The following TMEM117 variants were observed in gnomAD, a reference collection of about 807,000 sequenced individuals.
The protein encoded by TMEM117 is transmembrane protein 117.
A neutral mutation model predicts 52.4 loss-of-function variants in TMEM117; 27 were observed. The observed-to-expected ratio is 0.51, with a 90% CI of 0.38 to 0.71. TMEM117 has a LOEUF of 0.71. TMEM117 is among the 30% of genes least tolerant of loss of function. TMEM117 has a pLI of 0.00. For missense variants in TMEM117, 556 were observed against 630.5 expected (o/e 0.88, Z 1.26); for synonymous variants, 215 against 206.3 (o/e 1.04, Z -0.36).
At chr12:44,331,620 G>A (rs1951271745) in intron 6 of TMEM117, among the ~76,000 whole-genome samples, 1 of 152,068 alleles carries the variant, frequency 6.6e-6, no homozygotes. Context: ...TGTTTAGATA[G>A]CAGGGTGATT....
chr12:44,373,686 A>T (rs909603360), intron 6 of TMEM117, among the ~76,000 whole-genome samples: 1 of 151,398 alleles, frequency 6.6e-6, no homozygotes, highest in Non-Finnish European at 1.5e-5. Flanking sequence ...TGGAACCTAG[A>T]TAGATTCAGA....
chr12:43,833,127 C>T (rs547034887), upstream of TMEM117, among the ~76,000 whole-genome samples: 18 of 152,204 alleles, frequency 1.2e-4, no homozygotes, highest in Non-Finnish European at 2.6e-4. Flanking sequence ...GAACTACACT[C>T]TCTAAGCCCT....
At chr12:43,867,958 A>C (rs148566364) in intron 2 of TMEM117, among the ~76,000 whole-genome samples, 2,065 of 152,242 alleles carry the variant, frequency 0.014, 34 homozygotes, top group African/African-American at 0.048. Context: ...GAAAAAGAAT[A>C]CACATTTTTT....
chr12:43,921,343 G>C (rs551688925), intron 2 of TMEM117, among the ~76,000 whole-genome samples: 6 of 152,262 alleles, frequency 3.9e-5, no homozygotes, highest in African/African-American at 1.4e-4. Context: ...GTTTTCCAGT[G>C]TTCAGTTTCC....
At chr12:43,957,453 GAAGGCTTGAGA>G (rs764127809) in intron 3 of TMEM117, among the ~76,000 whole-genome samples, 9 of 152,190 alleles carry the variant, frequency 5.9e-5, no homozygotes, top group Non-Finnish European at 1.0e-4. Flanking sequence ...ATATAGGAAT[GAAGGCTTGAGA>G]AAATGAGACA....
chr12:43,916,203 C>A (rs931882553), intron 2 of TMEM117, among the ~76,000 whole-genome samples: 30 of 152,098 alleles, frequency 2.0e-4, no homozygotes, highest in African/African-American at 7.2e-4. Flanking sequence ...CCTCTTTGTT[C>A]TTCATTGCCT....
intron 2 of TMEM117, among the ~76,000 whole-genome samples, chr12:43,923,102 T>C (rs1944722723): frequency 6.6e-6 from 1 of 152,190 alleles, no homozygotes; most frequent in Admixed American, 6.5e-5. Context: ...TTGACTTATA[T>C]ATGCCAAATT....
intron 2 of TMEM117, among the ~76,000 whole-genome samples, chr12:43,885,217 A>G (rs1313974896): frequency 6.6e-6 from 1 of 152,100 alleles, no homozygotes; most frequent in African/African-American, 2.4e-5. Context: ...GGTGTGAACA[A>G]TTCAGCTTTG....
chr12:44,070,072 G>T (rs1947278888), intron 3 of TMEM117, among the ~76,000 whole-genome samples: 1 of 152,058 alleles, frequency 6.6e-6, no homozygotes, highest in South Asian at 2.1e-4. Context: ...TGTATTTTTT[G>T]TAGAGATAGG....
intron 5 of TMEM117, among the ~76,000 whole-genome samples, chr12:44,237,662 A>G (rs1157908596): frequency 1.3e-5 from 2 of 151,992 alleles, no homozygotes; most frequent in South Asian, 2.1e-4. Flanking sequence ...GGTTGATGTG[A>G]GCCGAGATCC....
At chr12:44,216,005 C>CT (rs778425747) in intron 5 of TMEM117, among the ~76,000 whole-genome samples, 16,724 of 110,888 alleles carry the variant, frequency 0.15, 1,615 homozygotes, top group South Asian at 0.19. Context: ...TTCTTTCTTT[C>CT]TTTTTTTTTT....
At chr12:44,379,647 A>C (rs941159249) in intron 7 of TMEM117, among the ~76,000 whole-genome samples, 1 of 152,160 alleles carries the variant, frequency 6.6e-6, no homozygotes, top group Non-Finnish European at 1.5e-5. Flanking sequence ...ACTTTACCTG[A>C]CTACATTTGT....
intron 2 of TMEM117, among the ~76,000 whole-genome samples, chr12:43,908,593 AG>A (rs1479008006): frequency 6.6e-6 from 1 of 151,738 alleles, no homozygotes. Flanking sequence ...TGCTGTATTC[AG>A]GAAACCCATC....
At chr12:44,033,496 G>T (rs930978542) in intron 3 of TMEM117, among the ~76,000 whole-genome samples, 2 of 152,066 alleles carry the variant, frequency 1.3e-5, no homozygotes, top group African/African-American at 4.8e-5. Context: ...TTTGAAAACC[G>T]ATCCTTTATT....
chr12:44,182,429 T>G (rs1390619216), intron 4 of TMEM117, among the ~76,000 whole-genome samples: 1 of 152,184 alleles, frequency 6.6e-6, no homozygotes, highest in Non-Finnish European at 1.5e-5. Context: ...CCCTGTCTTG[T>G]GCACAGAGCC....
intron 3 of TMEM117, among the ~76,000 whole-genome samples, chr12:44,123,144 C>G: frequency 6.6e-6 from 1 of 152,052 alleles, no homozygotes; most frequent in Non-Finnish European, 1.5e-5. Flanking sequence ...TTTTGATTTG[C>G]ATTTCTCTAA....
intron 4 of TMEM117, among the ~76,000 whole-genome samples, chr12:44,181,521 G>A (rs1443161344): frequency 7.3e-5 from 11 of 150,420 alleles, no homozygotes; most frequent in Non-Finnish European, 1.3e-4. Context: ...ATCTTGAATT[G>A]ATTTTTGTAT....
At chr12:43,986,301 A>G (rs1945846057) in intron 3 of TMEM117, among the ~76,000 whole-genome samples, 1 of 152,220 alleles carries the variant, frequency 6.6e-6, no homozygotes, top group Admixed American at 6.5e-5. Flanking sequence ...TCTACAGTTA[A>G]TGTACTTAGA....
the TMEM117 span, among the ~76,000 whole-genome samples, chr12:43,807,150 C>G: frequency 6.6e-6 from 1 of 151,962 alleles, no homozygotes; most frequent in South Asian, 2.1e-4. Context: ...GGTACTGCTT[C>G]TCTACTGCTA....
Sources: gnomAD v4.1 joint callset for allele counts (sites outside exome capture counted in the v4.1 genomes callset) on GRCh38, gnomAD v4.1.1 for gene constraint, MANE v1.5 for transcripts, NCBI Gene and HGNC (gene_info 2026-07-23, HGNC 2026-07-21) for gene names.